GALNT15: variants seen among roughly 807,000 people sequenced by gnomAD.
The protein encoded by GALNT15 is polypeptide N-acetylgalactosaminyltransferase 15.
GALNT15 carries 67 observed loss-of-function variants against 66.8 expected under a neutral mutation model. The ratio of observed to expected loss-of-function variants is 1.00; its 90% confidence interval spans 0.82 to 1.23. GALNT15 has a LOEUF of 1.23. GALNT15 is among the 50% of genes most tolerant of loss of function. The probability of loss-of-function intolerance (pLI) is 0.00; values close to 1 mark genes in which losing one functional copy is unlikely to be tolerated. For missense variants in GALNT15, 827 were observed against 804.3 expected, an observed-to-expected ratio of 1.03 and a Z score of -0.34; for synonymous variants, 313 against 311.5, an observed-to-expected ratio of 1.00 and a Z score of -0.05.
At chr3:16,235,892 G>A (rs1054713815), downstream of GALNT15, among the ~76,000 whole-genome samples, 1 of 151,876 alleles carries the variant, frequency 6.6e-6, no homozygotes, top group African/African-American at 2.4e-5. Context: ...ATCACTTGAG[G>A]TCAGGAGTTC....
chr3:16,217,758 C>G (rs1296318099), intron 6 of GALNT15, among the ~76,000 whole-genome samples: 3 of 152,112 alleles, frequency 2.0e-5, no homozygotes, highest in Admixed American at 2.0e-4. Context: ...ATCTCTTTAT[C>G]AAGGAAAGTA....
In GALNT15 at chr3:16,183,047, C is replaced by T. The variant is rs529368488; in HGVS notation, c.539+7357C>T. The T allele has an allele frequency of 2.6e-5, 4 of 152,320 alleles. No individual in the cohort carries two copies. Among genetic ancestry groups the T allele is most frequent in the East Asian group, 3.9e-4 (2 of 5,184 alleles). The allele number at this position is 152,320 out of a possible 1,614,324, so 9.4% of individuals were successfully genotyped here. On this transcript the variant is annotated intron_variant, in intron 1 of 9. Coordinates refer to ENST00000339732, the MANE Select transcript of GALNT15 (RefSeq NM_054110.5). The surrounding 1 kb of genome is among the most constrained non-coding windows in gnomAD (Gnocchi z 5.2). ...GGCTCCAAGATGCTTCATAGGCCTC[C>T]GGTCAGTGTTCAGACCAGTGACTCC... is the stretch of plus-strand genomic sequence containing the variant.
chr3:16,222,585 C>T, intron 8 of GALNT15, 30 bp from the exon 9 acceptor site: 1 of 1,613,746 alleles, frequency 6.2e-7, no homozygotes, highest in Non-Finnish European at 8.5e-7. Flanking sequence ...CTCTTTCTAG[C>T]TGCGCTAACA....
At chr3:16,194,956 C>T (rs889132675) in intron 1 of GALNT15, among the ~76,000 whole-genome samples, 2 of 152,126 alleles carry the variant, frequency 1.3e-5, no homozygotes, top group African/African-American at 4.8e-5. Flanking sequence ...CAAACCTGCA[C>T]GTCCTGCACA....
At position 16,189,001 on chromosome 3, in the gene GALNT15, C is replaced by T. The variant is rs1401842509; in HGVS notation, c.540-6759C>T. On this transcript the variant is annotated intron_variant, in intron 1 of 9. Transcript: ENST00000339732. The surrounding 1 kb of genome is among the most constrained non-coding windows in gnomAD (Gnocchi z 5.1). ...TCTCCTCAGCATCTCCCAAAACTTACACACTCACATCAGCTAAGGAGTTGG... is the reference window on the plus strand; with the variant it reads ...TCTCCTCAGCATCTCCCAAAACTTATACACTCACATCAGCTAAGGAGTTGG... 1.3e-5 allele frequency among the ~76,000 whole-genome samples: 2 copies of T among 152,176 alleles called. No individual in the cohort carries two copies. The highest frequency in any genetic ancestry group is 4.8e-5 in the African/African-American group (2 of 41,428).
downstream of GALNT15, among the ~76,000 whole-genome samples, chr3:16,233,092 A>ATTTTTTTTTTTTTTTT (rs771943641): frequency 2.1e-5 from 1 of 48,072 alleles, no homozygotes; most frequent in Non-Finnish European, 4.2e-5. Flanking sequence ...AGGATAATGC[A>ATTTTTTTTTTTTTTTT]TCTTTTTTTT....
the GALNT15 span, among the ~76,000 whole-genome samples, chr3:16,242,133 C>T: frequency 1.3e-5 from 2 of 152,200 alleles, no homozygotes; most frequent in Admixed American, 6.6e-5. This position sits in a 1 kb window ranked among gnomAD's most constrained non-coding sequence, Gnocchi z 5.6. Context: ...AAAGGCCAGA[C>T]CTGGGACTGA....
At chr3:16,247,250 G>T in the GALNT15 span, among the ~76,000 whole-genome samples, 24 of 152,254 alleles carry the variant, frequency 1.6e-4, no homozygotes, top group African/African-American at 5.1e-4. Context: ...AAAGAGAAAA[G>T]CAGCAATTTA....
chr3:16,211,792 T>C lies in GALNT15; in HGVS notation c.1197+551T>C, dbSNP rs1335062646. Among the ~76,000 whole-genome samples, 1 of 152,142 alleles carries C rather than the reference T, an allele frequency of 6.6e-6. No homozygotes were observed. Among genetic ancestry groups the C allele is most frequent in the Non-Finnish European group, 1.5e-5 (1 of 68,034 alleles). On this transcript the variant is annotated intron_variant, in intron 5 of 9. Transcript: ENST00000339732. This position sits in a 1 kb window ranked among gnomAD's most constrained non-coding sequence, Gnocchi z 4.3. Reference sequence around the variant, plus strand: ...ACCCAACACCAAAAAAAATTCATCATCAAGAGTGCAGAGATCTAATGCTGA... The same window carrying C: ...ACCCAACACCAAAAAAAATTCATCACCAAGAGTGCAGAGATCTAATGCTGA...
rs1314914939 is a variant in GALNT15 at position 16,180,479 on chromosome 3, C to G, written c.539+4789C>G. ...AGTGAGGAGTTACACCACGACTTCC[C>G]AAAAGTATGTGCACACCCAACCCCC... On this transcript the variant is annotated intron_variant, in intron 1 of 9. Transcript: ENST00000339732. This position sits in a 1 kb window ranked among gnomAD's most constrained non-coding sequence, Gnocchi z 5.0. Among the ~76,000 whole-genome samples, 2 of 152,138 alleles carry G rather than the reference C, an allele frequency of 1.3e-5. No individual in the cohort carries two copies. Among genetic ancestry groups the G allele is most frequent in the Non-Finnish European group, 2.9e-5 (2 of 68,034 alleles).
At chr3:16,217,351 C>G (rs2063890205) in intron 6 of GALNT15, among the ~76,000 whole-genome samples, 1 of 152,160 alleles carries the variant, frequency 6.6e-6, no homozygotes, top group South Asian at 2.1e-4. Flanking sequence ...GTGAGAAGAG[C>G]TTTAGCAGAG....
In GALNT15 at chr3:16,211,410, A is replaced by T. The variant is rs1224384883; in HGVS notation, c.1197+169A>T. On this transcript the variant is annotated intron_variant, in intron 5 of 9. Coordinates refer to ENST00000339732, the MANE Select transcript of GALNT15 (RefSeq NM_054110.5). The surrounding 1 kb of genome is among the most constrained non-coding windows in gnomAD (Gnocchi z 4.3). ...AACCTCCCATTTCTCACAGTTTCCC[A>T]TCTCTCCTGTGCTGTAGCTTGGTTT... Among the ~76,000 whole-genome samples the T allele has an allele frequency of 6.6e-6, 1 of 152,112 alleles. No homozygotes were observed.
chr3:16,175,826 A>G lies in GALNT15; in HGVS notation c.539+136A>G. 1.4e-6 allele frequency: 1 copy of G among 724,650 alleles called. No individual in the cohort carries two copies. Among genetic ancestry groups the G allele is most frequent in the Admixed American group, 3.0e-5 (1 of 33,840 alleles). 44.9% of individuals were successfully genotyped at this position (724,650 alleles called of 1,614,324 possible). ...CTTTTCAAGATGCAGTACCTGGGCC[A>G]GCAGCGTCAGCAGCCCCTGGGCACT... is the stretch of plus-strand genomic sequence containing the variant. On this transcript the variant is annotated intron_variant, in intron 1 of 9. Transcript: ENST00000339732. The surrounding 1 kb of genome is among the most constrained non-coding windows in gnomAD (Gnocchi z 5.6).
At chr3:16,234,588 C>T (rs2064114786), downstream of GALNT15, among the ~76,000 whole-genome samples, 1 of 152,238 alleles carries the variant, frequency 6.6e-6, no homozygotes, top group Admixed American at 6.5e-5. Context: ...TAACTGGCTA[C>T]ATTCCCTTCT....
downstream of GALNT15, among the ~76,000 whole-genome samples, chr3:16,233,484 C>T (rs960216177): frequency 6.6e-6 from 1 of 152,104 alleles, no homozygotes; most frequent in Non-Finnish European, 1.5e-5. Flanking sequence ...CCCATTCTGT[C>T]CACTAGTTCT....
chr3:16,202,436 C>A (rs954838106), intron 3 of GALNT15, among the ~76,000 whole-genome samples: 4 of 152,188 alleles, frequency 2.6e-5, no homozygotes, highest in African/African-American at 9.7e-5. Flanking sequence ...AGTTCGAGAC[C>A]AGCCTGGCCA....
At chr3:16,226,888 GA>G (rs1421062386) in intron 9 of GALNT15, among the ~76,000 whole-genome samples, 4 of 152,194 alleles carry the variant, frequency 2.6e-5, no homozygotes, top group Non-Finnish European at 5.9e-5. Context: ...ATGGTCTTCT[GA>G]ACATGGCTGG....
intron 6 of GALNT15, among the ~76,000 whole-genome samples, chr3:16,216,501 GA>G (rs11377669): frequency 9.7e-5 from 14 of 144,138 alleles, no homozygotes; most frequent in Non-Finnish European, 1.7e-4. Flanking sequence ...TCTGTCTCGG[GA>G]AAAAAAAAAA....
Position 16,227,408 on chromosome 3 carries a change from G to C in GALNT15, c.1828G>C (p.Glu610Gln). ...SGKCMEAVVQ[E>Q]NNKDLYLRPC... ...GAAATGCATGGAAGCTGTGGTGCAAGAAAACAATAAAGATTTGTACCTGCG... is the reference window on the plus strand; with the variant it reads ...GAAATGCATGGAAGCTGTGGTGCAACAAAACAATAAAGATTTGTACCTGCG... Residue 610 changes from glutamate to glutamine, a missense_variant, in exon 10 of 10, where the codon GAA becomes CAA. By Grantham distance (29) the Glu-to-Gln change is conservative. Transcript: ENST00000339732. This position sits in a 1 kb window ranked among gnomAD's most constrained non-coding sequence, Gnocchi z 4.5. 6.2e-7 allele frequency: 1 copy of C among 1,614,070 alleles called. No homozygotes were observed. The highest frequency in any genetic ancestry group is 8.5e-7 in the Non-Finnish European group (1 of 1,179,992).
Sources: allele counts gnomAD v4.1 joint callset (sites outside exome capture counted in the v4.1 genomes callset), GRCh38; gene constraint gnomAD v4.1.1; non-coding constraint Gnocchi (gnomAD v3.1); transcripts MANE v1.5; gene names NCBI Gene and HGNC (gene_info 2026-07-23, HGNC 2026-07-21).